DSCAM: variants seen among roughly 807,000 people sequenced by gnomAD.
The protein encoded by DSCAM is cell adhesion molecule DSCAM.
Under a neutral mutation model 217.7 loss-of-function variants are expected in DSCAM, and 47 were observed. The observed-to-expected ratio is 0.22, with a 90% CI of 0.17 to 0.28. The LOEUF (loss-of-function observed/expected upper bound fraction) is 0.28, where lower values mean the gene tolerates loss of function less well. Ranked by LOEUF, DSCAM falls within the 10% of genes least tolerant of loss-of-function variation. DSCAM has a pLI of 1.00. For synonymous variants in DSCAM, 1,056 were observed against 1,015.3 expected, an observed-to-expected ratio of 1.04 and a Z score of -0.76; for missense variants, 2,080 against 2,618.3, an observed-to-expected ratio of 0.79 and a Z score of 4.49.
chr21:40,352,189 C>A (rs962032259), intron 5 of DSCAM, among the ~76,000 whole-genome samples: 2 of 152,106 alleles, frequency 1.3e-5, no homozygotes, highest in Non-Finnish European at 2.9e-5. Context: ...GAAATACAAC[C>A]AGACAGATTT....
At chr21:40,328,797 A>G (rs1455195057) in intron 8 of DSCAM, among the ~76,000 whole-genome samples, 1 of 152,106 alleles carries the variant, frequency 6.6e-6, no homozygotes, top group Non-Finnish European at 1.5e-5. Flanking sequence ...TGCAATAGCA[A>G]GAAAACAACC....
chr21:40,479,886 A>T (rs370513438), intron 3 of DSCAM, among the ~76,000 whole-genome samples: 1 of 151,166 alleles, frequency 6.6e-6, no homozygotes, highest in East Asian at 1.9e-4. Context: ...ATTTTCAGAC[A>T]TATGTGTGTG....
At chr21:40,711,728 G>A (rs1313251112) in intron 1 of DSCAM, among the ~76,000 whole-genome samples, 1 of 152,198 alleles carries the variant, frequency 6.6e-6, no homozygotes, top group Non-Finnish European at 1.5e-5. Context: ...GGCTCCACAA[G>A]CCTGGCCCCC....
At chr21:40,587,983 G>C (rs1261625279) in intron 3 of DSCAM, among the ~76,000 whole-genome samples, 1 of 152,162 alleles carries the variant, frequency 6.6e-6, no homozygotes, top group Non-Finnish European at 1.5e-5. Flanking sequence ...ACTTCATGCG[G>C]CCTTGTTTTC....
chr21:40,539,289 G>A (rs1244867095), intron 3 of DSCAM, among the ~76,000 whole-genome samples: 1 of 152,040 alleles, frequency 6.6e-6, no homozygotes, highest in African/African-American at 2.4e-5. Context: ...CGGATCACGA[G>A]GTCAGGAGAT....
intron 8 of DSCAM, among the ~76,000 whole-genome samples, chr21:40,329,759 G>A (rs1300442542): frequency 6.6e-6 from 1 of 151,970 alleles, no homozygotes; most frequent in African/African-American, 2.4e-5. Flanking sequence ...TGAACCTGGA[G>A]AACATTATAT....
chr21:40,664,959 G>A (rs2090183905), intron 3 of DSCAM, among the ~76,000 whole-genome samples: 1 of 152,136 alleles, frequency 6.6e-6, no homozygotes, highest in African/African-American at 2.4e-5. Context: ...GGTTGTTTAA[G>A]AGTCTGGAAC....
intron 3 of DSCAM, among the ~76,000 whole-genome samples, chr21:40,485,367 C>T (rs970918508): frequency 5.9e-5 from 9 of 151,642 alleles, no homozygotes; most frequent in East Asian, 1.9e-4. Flanking sequence ...CTCAGCCTCC[C>T]GAGTAGCTGG....
intron 2 of DSCAM, among the ~76,000 whole-genome samples, chr21:40,707,414 G>A (rs565704634): frequency 4.4e-4 from 67 of 152,174 alleles, no homozygotes; most frequent in African/African-American, 1.6e-3. Context: ...GAATTCATGA[G>A]CATGTCACAA....
chr21:40,502,346 A>G (rs2076176266), intron 3 of DSCAM, among the ~76,000 whole-genome samples: 1 of 152,158 alleles, frequency 6.6e-6, no homozygotes, highest in African/African-American at 2.4e-5. Context: ...GATTTTATCT[A>G]ATTTGATAAC....
chr21:40,775,325 TAATGTTA>T (rs905259332), intron 1 of DSCAM, among the ~76,000 whole-genome samples: 3 of 152,152 alleles, frequency 2.0e-5, no homozygotes, highest in African/African-American at 7.2e-5. Flanking sequence ...CCAGTGGACT[TAATGTTA>T]GGTGTTAACT....
At chr21:40,447,991 T>C (rs926118123) in intron 3 of DSCAM, among the ~76,000 whole-genome samples, 1 of 152,246 alleles carries the variant, frequency 6.6e-6, no homozygotes, top group African/African-American at 2.4e-5. Context: ...ATTAGCCTAA[T>C]AAAATTAAGC....
At chr21:40,556,569 G>T (rs1244491788) in intron 3 of DSCAM, among the ~76,000 whole-genome samples, 1 of 152,146 alleles carries the variant, frequency 6.6e-6, no homozygotes, top group Non-Finnish European at 1.5e-5. Context: ...TTAGGCATCT[G>T]GTGAAAACCC....
chr21:40,751,523 GA>G (rs2091228557), intron 1 of DSCAM, among the ~76,000 whole-genome samples: 1 of 152,180 alleles, frequency 6.6e-6, no homozygotes, highest in Non-Finnish European at 1.5e-5. Flanking sequence ...CAATAATGTG[GA>G]GAACAAAGCT....
intron 1 of DSCAM, among the ~76,000 whole-genome samples, chr21:40,709,674 G>GT (rs2090756701): frequency 6.6e-6 from 1 of 152,034 alleles, no homozygotes; most frequent in Non-Finnish European, 1.5e-5. Context: ...TGAACTCATC[G>GT]TTTTTTATGG....
At chr21:40,824,707 C>T (rs1269476925) in intron 1 of DSCAM, among the ~76,000 whole-genome samples, 13 of 152,042 alleles carry the variant, frequency 8.6e-5, no homozygotes, top group South Asian at 2.1e-4. Context: ...CCACCTCGCC[C>T]GGCCCCTATC....
intron 11 of DSCAM, among the ~76,000 whole-genome samples, chr21:40,250,478 T>C: frequency 6.6e-6 from 1 of 151,902 alleles, no homozygotes; most frequent in South Asian, 2.1e-4. Flanking sequence ...CATAATTTTT[T>C]AAAAAATTCC....
At chr21:40,645,585 G>A (rs182178102) in intron 3 of DSCAM, among the ~76,000 whole-genome samples, 1 of 152,152 alleles carries the variant, frequency 6.6e-6, no homozygotes, top group African/African-American at 2.4e-5. Flanking sequence ...TAGGTAGGAC[G>A]ATTCCTAAAT....
rs118148737 is a variant in DSCAM at position 40,182,208 on chromosome 21, G to C, written c.2780-3114C>G. On this transcript the variant is annotated intron_variant, in intron 14 of 32. Transcript: ENST00000400454. ...ACATGAAAGGTTTAACAATGGAGAG[G>C]TAGCTGGGAGAGGGAGCGGGCCCTT... Among the ~76,000 whole-genome samples, 153 of 152,236 alleles carry C rather than the reference G, an allele frequency of 1.0e-3. 2 individuals carry two copies. In the East Asian group the frequency reaches 0.023, roughly 23 times the overall value.
Sources: gnomAD v4.1 joint callset for allele counts (sites outside exome capture counted in the v4.1 genomes callset) on GRCh38, gnomAD v4.1.1 for gene constraint, MANE v1.5 for transcripts, NCBI Gene and HGNC (gene_info 2026-07-23, HGNC 2026-07-21) for gene names.